The following KIDINS220 variants were observed in gnomAD, a reference collection of about 807,000 sequenced individuals.
KIDINS220 encodes the protein kinase D-interacting substrate of 220 kDa.
Under a neutral mutation model 157.6 loss-of-function variants are expected in KIDINS220, and 63 were observed. The observed-to-expected ratio is 0.40, with a 90% CI of 0.33 to 0.49. The LOEUF is 0.49. Ranked by LOEUF, KIDINS220 falls within the 20% of genes least tolerant of loss-of-function variation. The probability of loss-of-function intolerance (pLI) is 0.66; values close to 1 mark genes in which losing one functional copy is unlikely to be tolerated. For missense variants in KIDINS220, 1,772 were observed against 2,171.2 expected (o/e 0.82, Z 3.65); for synonymous variants, 732 against 783.6 (o/e 0.93, Z 1.10).
chr2:8,804,387 A>G (rs1446571542), intron 7 of KIDINS220, among the ~76,000 whole-genome samples: 5 of 152,208 alleles, frequency 3.3e-5, no homozygotes, highest in Admixed American at 3.3e-4. Context: ...TTATGCATAA[A>G]TATTGTTTCT....
chr2:8,816,459 T>C (rs2148392267), intron 4 of KIDINS220, among the ~76,000 whole-genome samples: 1 of 152,320 alleles, frequency 6.6e-6, no homozygotes, highest in Middle Eastern at 3.4e-3. Flanking sequence ...GTCAGTTAAA[T>C]GACACAGCAG....
chr2:8,781,097 T>C (rs1179854096), intron 17 of KIDINS220, among the ~76,000 whole-genome samples: 2 of 146,770 alleles, frequency 1.4e-5, no homozygotes, highest in African/African-American at 5.0e-5. Context: ...GAGAAAGCTA[T>C]ACCAACACCA....
chr2:8,759,099 TTGAG>T (rs1249152764), intron 22 of KIDINS220, among the ~76,000 whole-genome samples: 1 of 152,234 alleles, frequency 6.6e-6, no homozygotes, highest in Admixed American at 6.5e-5. Context: ...AGGCATCTTA[TTGAG>T]TAACTACACT....
chr2:8,833,413 CT>C (rs1169075255), intron 1 of KIDINS220, among the ~76,000 whole-genome samples: 1 of 149,852 alleles, frequency 6.7e-6, no homozygotes, highest in Non-Finnish European at 1.5e-5. Flanking sequence ...ATTATGGAAT[CT>C]TTTTTATTCC....
At chr2:8,737,838 T>A (rs1057189461) in intron 26 of KIDINS220, among the ~76,000 whole-genome samples, 2 of 152,206 alleles carry the variant, frequency 1.3e-5, no homozygotes, top group Non-Finnish European at 2.9e-5. Context: ...AATAACTAGT[T>A]AGTAGTAAAC....
chr2:8,728,715 T>C (rs548979255), downstream of KIDINS220: 1 of 301,648 alleles, frequency 3.3e-6, no homozygotes, highest in African/African-American at 2.3e-5. Flanking sequence ...AAACGCTTCA[T>C]AAAGCACCAC....
At chr2:8,819,479 G>A (rs1677584056) in intron 2 of KIDINS220, among the ~76,000 whole-genome samples, 1 of 152,158 alleles carries the variant, frequency 6.6e-6, no homozygotes, top group Admixed American at 6.5e-5. Context: ...TGCAAGTGCA[G>A]TACAAAAGTT....
At chr2:8,734,605 T>G in intron 28 of KIDINS220, 50 bp downstream of exon 28, 1 of 1,245,360 alleles carries the variant, frequency 8.0e-7, no homozygotes, top group South Asian at 1.3e-5. Context: ...TAATTTTGAA[T>G]GTTATCATAA....
rs1191214580 is a variant in KIDINS220 at position 8,731,251 on chromosome 2, G to C, written c.4785C>G (p.Pro1595=). ...CCACTTCATTGTGCAGAGAGTGATT[G>C]GGAGAACTTTCACTGGATCTCACTC... ...DSGVRSSESS[P]NHSLHNEVAD... is the part of the protein sequence containing the mutation. Residue 1595 remains proline, a synonymous_variant, in exon 30 of 30, where the codon CCC becomes CCG. Transcript: ENST00000256707. The surrounding 1 kb of genome is among the most constrained non-coding windows in gnomAD (Gnocchi z 5.2). 1 of 1,614,088 alleles carries C rather than the reference G, an allele frequency of 6.2e-7. No homozygotes were observed. Among genetic ancestry groups the C allele is most frequent in the South Asian group, 1.1e-5 (1 of 91,084 alleles).
At chr2:8,777,838 GT>G (rs1410593048) in intron 20 of KIDINS220, among the ~76,000 whole-genome samples, 1 of 152,194 alleles carries the variant, frequency 6.6e-6, no homozygotes, top group Non-Finnish European at 1.5e-5. Context: ...AAAATGGTAA[GT>G]TATATGCGCC....
At chr2:8,828,834 C>T (rs764592804) in intron 1 of KIDINS220, among the ~76,000 whole-genome samples, 45 of 152,174 alleles carry the variant, frequency 3.0e-4, no homozygotes, top group Non-Finnish European at 6.0e-4. Context: ...ATGCCCATTC[C>T]CTAACTCTAA....
At chr2:8,743,095 G>C (rs892957747) in intron 26 of KIDINS220, among the ~76,000 whole-genome samples, 3 of 152,184 alleles carry the variant, frequency 2.0e-5, no homozygotes, top group Non-Finnish European at 4.4e-5. Flanking sequence ...TCATGTGAAT[G>C]CTGCCATTTC....
chr2:8,779,637 C>T (rs374695183), intron 18 of KIDINS220, 37 bp downstream of exon 18: 9 of 1,590,018 alleles, frequency 5.7e-6, no homozygotes, highest in African/African-American at 1.3e-5. Context: ...AGTGCCACAA[C>T]ATAACAATGG....
intron 4 of KIDINS220, among the ~76,000 whole-genome samples, chr2:8,814,836 A>AG (rs1278895215): frequency 6.6e-6 from 1 of 152,140 alleles, no homozygotes; most frequent in Admixed American, 6.5e-5. Flanking sequence ...CGTTCCCCCT[A>AG]GGGGGTACAC....
intron 26 of KIDINS220, 168 bp from the exon 27 acceptor site, chr2:8,737,167 T>C (rs1017201776): frequency 6.2e-6 from 4 of 640,772 alleles, no homozygotes; most frequent in Non-Finnish European, 1.0e-5. Context: ...ATTTAGTTAC[T>C]GTTATAACCT....
intron 6 of KIDINS220, among the ~76,000 whole-genome samples, chr2:8,806,644 A>T (rs1675496832): frequency 3.3e-5 from 5 of 152,174 alleles, no homozygotes; most frequent in Non-Finnish European, 7.3e-5. Context: ...GCAGTAGTGC[A>T]ATCTTGGCTC....
intron 22 of KIDINS220, among the ~76,000 whole-genome samples, chr2:8,769,676 T>G (rs553962988): frequency 1.3e-5 from 2 of 152,328 alleles, no homozygotes; most frequent in East Asian, 3.9e-4. Context: ...GCACTTGTAT[T>G]ATAATACAAA....
intron 14 of KIDINS220, among the ~76,000 whole-genome samples, chr2:8,789,567 C>T (rs1042077001): frequency 1.3e-5 from 2 of 151,922 alleles, no homozygotes; most frequent in Non-Finnish European, 2.9e-5. Flanking sequence ...GGATTACAGG[C>T]GTGAGAGCCA....
chr2:8,738,058 G>A (rs1210125167), intron 26 of KIDINS220, among the ~76,000 whole-genome samples: 2 of 151,846 alleles, frequency 1.3e-5, no homozygotes, highest in African/African-American at 2.4e-5. Context: ...AGTTACAATT[G>A]TTTACATTTT....
Sources: allele counts gnomAD v4.1 joint callset (sites outside exome capture counted in the v4.1 genomes callset), GRCh38; gene constraint gnomAD v4.1.1; non-coding constraint Gnocchi (gnomAD v3.1); transcripts MANE v1.5; gene names NCBI Gene and HGNC (gene_info 2026-07-23, HGNC 2026-07-21).